Variants in MTMR4 observed in about 807,000 individuals in gnomAD.
MTMR4 encodes the protein myotubularin related protein 4, also known as phosphatidylinositol-3,5-bisphosphate 3-phosphatase MTMR4.
MTMR4 carries 30 observed loss-of-function variants against 125.5 expected under a neutral mutation model. The observed-to-expected ratio is 0.24, with a 90% CI of 0.18 to 0.32. MTMR4 has a LOEUF of 0.32. Among genes scored for constraint, MTMR4 ranks in the 10% least tolerant of loss-of-function variants. MTMR4 has a pLI of 1.00. For synonymous variants in MTMR4, 498 were observed against 564.5 expected (o/e 0.88, Z 1.67); for missense variants, 1,039 against 1,511.5 (o/e 0.69, Z 5.18).
Position 58,491,370 on chromosome 17 carries a change from A to G in MTMR4, c.*293T>C. ...TGCACCAGGCAACATCTACGCAATC[A>G]TCATCTTGTGACCTCCAGGAGAAAG... On this transcript the variant is annotated 3_prime_UTR_variant, in exon 18 of 18. Coordinates refer to ENST00000682306, the MANE Select transcript of MTMR4 (RefSeq NM_001378067.1). The G allele has an allele frequency of 4.5e-6, 1 of 223,608 alleles. No homozygotes were observed. 13.9% of individuals were successfully genotyped at this position (223,608 alleles called of 1,614,324 possible). A position where few individuals can be genotyped will look rare whatever the true frequency, so the allele number is the denominator to read the frequency against.
At chr17:58,503,686 G>A (rs1439233914) in intron 14 of MTMR4, 58 bp downstream of exon 14, 10 of 1,534,890 alleles carry the variant, frequency 6.5e-6, no homozygotes, top group Non-Finnish European at 7.9e-6. Flanking sequence ...AGATGAGATG[G>A]GAAACAGTTA....
chr17:58,492,723 C>A, intron 16 of MTMR4, 119 bp downstream of exon 16: 1 of 1,342,082 alleles, frequency 7.5e-7, no homozygotes, highest in Non-Finnish European at 1.1e-6. Flanking sequence ...CTACCATTTG[C>A]CTACCAGGCT....
In MTMR4 at chr17:58,504,561, C is replaced by T; in HGVS notation, c.1342-73G>A. 2 of 1,521,078 alleles carry T rather than the reference C, an allele frequency of 1.3e-6. No individual in the cohort carries two copies. Among genetic ancestry groups the T allele is most frequent in the Admixed American group, 2.0e-5 (1 of 48,820 alleles). 94.2% of individuals were successfully genotyped at this position (1,521,078 alleles called of 1,614,324 possible). ...GATGTGCTACTCCCCTGGGAACTGC[C>T]CAAAGCAGGAAGCTGGCAGCTTCAA... On this transcript the variant is annotated intron_variant, in intron 11 of 17. Coordinates refer to ENST00000682306, the MANE Select transcript of MTMR4 (RefSeq NM_001378067.1). The surrounding 1 kb of genome is among the most constrained non-coding windows in gnomAD (Gnocchi z 7.1).
chr17:58,490,551 T>C lies in MTMR4; in HGVS notation c.*1112A>G, dbSNP rs759576425. ...GGTTCCATTGTTAAGTGCACAGAAA[T>C]AGACAGCAGCATTTGTACTGAAACC... On this transcript the variant is annotated 3_prime_UTR_variant, in exon 18 of 18. Coordinates refer to ENST00000682306, the MANE Select transcript of MTMR4 (RefSeq NM_001378067.1). The C allele has an allele frequency of 1.3e-5, 2 of 152,636 alleles. No homozygotes were observed. Among genetic ancestry groups the C allele is most frequent in the Admixed American group, 6.5e-5 (1 of 15,276 alleles). 9.5% of individuals were successfully genotyped at this position (152,636 alleles called of 1,614,324 possible).
At chr17:58,514,284 G>A (rs1281645110) in intron 1 of MTMR4, 79 bp downstream of exon 1, 4 of 983,440 alleles carry the variant, frequency 4.1e-6, no homozygotes, top group Non-Finnish European at 4.8e-6. Flanking sequence ...CGGGAAGGGG[G>A]ATGGGCTGAA....
In MTMR4 at chr17:58,512,724, T is replaced by C. The variant is rs1395322037; in HGVS notation, c.135+128A>G. On this transcript the variant is annotated intron_variant, in intron 2 of 17. Coordinates refer to ENST00000682306, the MANE Select transcript of MTMR4 (RefSeq NM_001378067.1). The surrounding 1 kb of genome is among the most constrained non-coding windows in gnomAD (Gnocchi z 4.1). Reference sequence around the variant, plus strand: ...AGGATGCGCAGACAAACCCTCCTCCTCCAGAGACCAGGGAACATGAAGCCA... The same window carrying C: ...AGGATGCGCAGACAAACCCTCCTCCCCCAGAGACCAGGGAACATGAAGCCA... 1.1e-6 allele frequency: 1 copy of C among 875,592 alleles called. No homozygotes were observed. The highest frequency in any genetic ancestry group is 2.5e-5 in the East Asian group (1 of 40,186). The allele number at this position is 875,592 out of a possible 1,614,324, so 54.2% of individuals were successfully genotyped here.
At chr17:58,513,354 G>A (rs1975987341) in intron 1 of MTMR4, among the ~76,000 whole-genome samples, 2 of 152,148 alleles carry the variant, frequency 1.3e-5, no homozygotes, top group African/African-American at 4.8e-5. Flanking sequence ...GTTTCAGAGA[G>A]AAGGGAAATC....
Position 58,492,495 on chromosome 17 carries a change from A to G in MTMR4, c.3452+16T>C, listed in dbSNP as rs748912346. The G allele has an allele frequency of 8.1e-5, 131 of 1,612,360 alleles. No individual in the cohort carries two copies. The highest frequency in any genetic ancestry group is 1.1e-4 in the Non-Finnish European group (126 of 1,178,994). ...GCCCTGTTTTTTGTCATACTAAATC[A>G]TACAAAACATCTTACCTGCAATGGT... On this transcript the variant is annotated intron_variant, in intron 17 of 17. Coordinates refer to ENST00000682306, the MANE Select transcript of MTMR4 (RefSeq NM_001378067.1).
At chr17:58,514,707 C>G (rs1277580637), upstream of MTMR4, 17 of 976,846 alleles carry the variant, frequency 1.7e-5, no homozygotes, top group Middle Eastern at 5.2e-4. Flanking sequence ...GCTCCGCGGG[C>G]CCCGCCCACA....
chr17:58,516,734 C>G, upstream of MTMR4: 4 of 890,264 alleles, frequency 4.5e-6, no homozygotes, highest in Non-Finnish European at 7.3e-6. Flanking sequence ...TTCTCCCTCA[C>G]AGAGACTCCA....
rs781011860 is a variant in MTMR4, at chr17:58,496,232, C to A, written c.1952G>T (p.Cys651Phe). The change falls in exon 15 of 18, where the codon TGT becomes TTT. Residue 651 changes from cysteine (C) to phenylalanine (F), a missense_variant. By Grantham distance (205) the Cys-to-Phe change is radical. Transcript: ENST00000682306. ...TSSDPNLNNHCQEVRVGLEPW... is the reference protein window; with the variant it reads ...TSSDPNLNNHFQEVRVGLEPW... Reference sequence around the variant, plus strand: ...CTCCAGGCCTACCCTGACCTCCTGACAGTGGTTATTCAGGTTAGGGTCACT... The same window carrying A: ...CTCCAGGCCTACCCTGACCTCCTGAAAGTGGTTATTCAGGTTAGGGTCACT... 1.8e-5 allele frequency: 29 copies of A among 1,614,042 alleles called. No homozygotes were observed. In the East Asian group the frequency reaches 6.2e-4, roughly 35 times the overall value.
At chr17:58,510,966 A>G (rs1975914165) in intron 4 of MTMR4, 1 of 152,008 alleles carries the variant, frequency 6.6e-6, no homozygotes. Flanking sequence ...CATTTCACAA[A>G]TTTTACTTAT....
intron 1 of MTMR4, 122 bp from the exon 2 acceptor site, chr17:58,513,063 C>A (rs191201075): frequency 2.7e-6 from 2 of 742,588 alleles, no homozygotes; most frequent in African/African-American, 1.8e-5. Flanking sequence ...AGGTTCTGGT[C>A]ACCAGAGAAG....
chr17:58,514,491 T>C lies in MTMR4; in HGVS notation c.-84A>G. ...CCCCGGGCGCCCGCCGCATCCCGGC[T>C]GCGGGGCTCGCCAGGTGCAGCCGCG... On this transcript the variant is annotated 5_prime_UTR_variant, in exon 1 of 18. Coordinates refer to ENST00000682306, the MANE Select transcript of MTMR4 (RefSeq NM_001378067.1). The C allele has an allele frequency of 1.0e-6, 1 of 985,080 alleles. No homozygotes were observed. The highest frequency in any genetic ancestry group is 1.2e-6 in the Non-Finnish European group (1 of 829,852). 61.0% of individuals were successfully genotyped at this position (985,080 alleles called of 1,614,324 possible).
intron 1 of MTMR4, among the ~76,000 whole-genome samples, 200 bp from the exon 2 acceptor site, chr17:58,513,141 CT>C (rs1311946204): frequency 1.3e-5 from 2 of 152,126 alleles, no homozygotes; most frequent in African/African-American, 4.8e-5. Context: ...CCTATTAAGC[CT>C]AAGGAAAGAG....
intron 9 of MTMR4, among the ~76,000 whole-genome samples, chr17:58,506,024 C>T (rs1441578546): frequency 6.6e-6 from 1 of 152,202 alleles, no homozygotes; most frequent in African/African-American, 2.4e-5. Context: ...GAACTAAATA[C>T]AGTCTTGAAA....
chr17:58,508,443 G>C lies in MTMR4; in HGVS notation c.593+25C>G. The C allele has an allele frequency of 6.2e-7, 1 of 1,610,196 alleles. No individual in the cohort carries two copies. Among genetic ancestry groups the C allele is most frequent in the Non-Finnish European group, 8.5e-7 (1 of 1,176,408 alleles). ...ACACGGAAGTAGTTTGGTGTGGAAG[G>C]TGTTTTGGTCCCCAACCCTCTCACT... On this transcript the variant is annotated intron_variant, in intron 6 of 17. Transcript: ENST00000682306. This position sits in a 1 kb window ranked among gnomAD's most constrained non-coding sequence, Gnocchi z 4.8.
chr17:58,508,935 A>G lies in MTMR4; in HGVS notation c.336-94T>C. 7.1e-7 allele frequency: 1 copy of G among 1,410,480 alleles called. No individual in the cohort carries two copies. The highest frequency in any genetic ancestry group is 9.7e-7 in the Non-Finnish European group (1 of 1,030,784). 87.4% of individuals were successfully genotyped at this position (1,410,480 alleles called of 1,614,324 possible). On this transcript the variant is annotated intron_variant, in intron 4 of 17. Coordinates refer to ENST00000682306, the MANE Select transcript of MTMR4 (RefSeq NM_001378067.1). The surrounding 1 kb of genome is among the most constrained non-coding windows in gnomAD (Gnocchi z 4.8). ...AAAACACAGCCACAGGAAGGCTGTG[A>G]GGAGAGAAGGCTGCAAAGCAAGAGG...
chr17:58,502,378 G>A (rs1975666629), intron 14 of MTMR4, among the ~76,000 whole-genome samples: 1 of 151,960 alleles, frequency 6.6e-6, no homozygotes, highest in Non-Finnish European at 1.5e-5. Flanking sequence ...GGCTGGCCTT[G>A]AACTCCTGAC....
Sources: allele counts gnomAD v4.1 joint callset (sites outside exome capture counted in the v4.1 genomes callset), GRCh38; gene constraint gnomAD v4.1.1; non-coding constraint Gnocchi (gnomAD v3.1); transcripts MANE v1.5; gene names NCBI Gene and HGNC (gene_info 2026-07-23, HGNC 2026-07-21).